The following SLC35F1 variants were observed in gnomAD, a reference collection of about 807,000 sequenced individuals.
SLC35F1 encodes the protein chromosome 6 open reading frame 169.
Under a neutral mutation model 48.7 loss-of-function variants are expected in SLC35F1, and 14 were observed. The observed-to-expected ratio is 0.29, with a 90% CI of 0.19 to 0.45. SLC35F1 has a LOEUF of 0.45. Ranked by LOEUF, SLC35F1 falls within the 20% of genes least tolerant of loss-of-function variation. The probability of loss-of-function intolerance (pLI) is 1.00; values close to 1 mark genes in which losing one functional copy is unlikely to be tolerated. For missense variants in SLC35F1, 404 were observed against 500.0 expected (o/e 0.81, Z 1.83); for synonymous variants, 190 against 202.2 (o/e 0.94, Z 0.51).
At chr6:118,132,280 A>G (rs1340102991) in intron 1 of SLC35F1, among the ~76,000 whole-genome samples, 2 of 152,196 alleles carry the variant, frequency 1.3e-5, no homozygotes, top group East Asian at 3.8e-4. Flanking sequence ...GTAAAATACA[A>G]GTTGTGATGT....
chr6:118,286,848 G>A (rs963201545), intron 7 of SLC35F1, among the ~76,000 whole-genome samples: 9 of 150,644 alleles, frequency 6.0e-5, no homozygotes, highest in South Asian at 2.1e-4. Context: ...TACTTCCTTC[G>A]CAAATTTCAA....
At chr6:118,100,691 AGCCTCAGT>A (rs1371873342) in intron 1 of SLC35F1, among the ~76,000 whole-genome samples, 3 of 152,138 alleles carry the variant, frequency 2.0e-5, no homozygotes, top group African/African-American at 7.2e-5. Context: ...AGCTCACGTG[AGCCTCAGT>A]GTCCAGAGTT....
intron 1 of SLC35F1, among the ~76,000 whole-genome samples, chr6:118,011,209 A>G (rs1397465542): frequency 6.6e-6 from 1 of 152,182 alleles, no homozygotes; most frequent in Non-Finnish European, 1.5e-5. Context: ...TTATTAGTCC[A>G]TTCTCACACT....
chr6:118,205,513 G>A (rs1197080813), intron 2 of SLC35F1, among the ~76,000 whole-genome samples: 1 of 152,194 alleles, frequency 6.6e-6, no homozygotes, highest in Non-Finnish European at 1.5e-5. Flanking sequence ...GTAAGTGTTA[G>A]CAGTGATGTG....
intron 1 of SLC35F1, among the ~76,000 whole-genome samples, chr6:118,060,370 C>T (rs567013676): frequency 2.0e-4 from 31 of 151,906 alleles, no homozygotes; most frequent in Middle Eastern, 3.4e-3. Context: ...TTATTCCTAG[C>T]GAATGTAAAT....
intron 1 of SLC35F1, among the ~76,000 whole-genome samples, chr6:118,048,663 G>A (rs951213241): frequency 1.3e-5 from 2 of 152,132 alleles, no homozygotes; most frequent in Non-Finnish European, 2.9e-5. Flanking sequence ...CAAGGGATGT[G>A]AAGGACCTCT....
intron 1 of SLC35F1, among the ~76,000 whole-genome samples, chr6:118,087,599 A>C (rs993432339): frequency 6.6e-6 from 1 of 152,068 alleles, no homozygotes; most frequent in Non-Finnish European, 1.5e-5. Context: ...GCTCAGCCCA[A>C]TGTTCCAAGA....
intron 2 of SLC35F1, among the ~76,000 whole-genome samples, chr6:118,176,205 A>G (rs1442150414): frequency 6.6e-6 from 1 of 152,016 alleles, no homozygotes; most frequent in Non-Finnish European, 1.5e-5. Context: ...TTAGAGGCAC[A>G]CCCCACGCAC....
intron 1 of SLC35F1, among the ~76,000 whole-genome samples, chr6:117,982,823 C>CA (rs779611603): frequency 1.1e-4 from 17 of 152,078 alleles, no homozygotes; most frequent in Non-Finnish European, 1.5e-4. Context: ...GGAACTGAAA[C>CA]AAAAAAACGT....
At chr6:118,104,409 A>G (rs1401732710) in intron 1 of SLC35F1, among the ~76,000 whole-genome samples, 1 of 152,238 alleles carries the variant, frequency 6.6e-6, no homozygotes, top group Admixed American at 6.5e-5. Context: ...AAATAATAAT[A>G]TTGAGCTTAT....
intron 1 of SLC35F1, among the ~76,000 whole-genome samples, chr6:117,960,957 C>G (rs1277453604): frequency 6.6e-6 from 1 of 152,150 alleles, no homozygotes; most frequent in Non-Finnish European, 1.5e-5. Flanking sequence ...ATATGATACC[C>G]TGCTCTGAAT....
chr6:118,168,670 T>G (rs552317313), intron 2 of SLC35F1, among the ~76,000 whole-genome samples: 2 of 152,276 alleles, frequency 1.3e-5, no homozygotes, highest in Non-Finnish European at 2.9e-5. Flanking sequence ...AGGTCAGTGG[T>G]CTACAGCAAC....
intron 7 of SLC35F1, among the ~76,000 whole-genome samples, chr6:118,300,049 A>T (rs1011718001): frequency 5.3e-5 from 8 of 152,338 alleles, no homozygotes; most frequent in African/African-American, 1.7e-4. Context: ...AGGCTAGTAG[A>T]ATTGTTAGTA....
rs556350262 is a variant in SLC35F1 at position 118,140,957 on chromosome 6, A to G, written c.174-13488A>G. Among the ~76,000 whole-genome samples, 41 of 152,346 alleles carry G rather than the reference A, an allele frequency of 2.7e-4. 1 individual carries two copies. Among genetic ancestry groups the G allele is most frequent in the African/African-American group, 9.9e-4 (41 of 41,576 alleles). On this transcript the variant is annotated intron_variant, in intron 1 of 7. Transcript: ENST00000360388. ...AGCTAAGTGTTATCACAAGAGTCAA[A>G]ACATTTTTAAAAATGAAAAAAGTTT...
chr6:117,999,305 C>T (rs956706850), intron 1 of SLC35F1: 188 of 1,595,860 alleles, frequency 1.2e-4, no homozygotes, highest in African/African-American at 1.6e-4. Context: ...TGCTCTTGCC[C>T]GTATTGCCAA....
intron 1 of SLC35F1, among the ~76,000 whole-genome samples, chr6:118,026,051 C>T (rs1032371743): frequency 1.5e-4 from 23 of 152,162 alleles, no homozygotes; most frequent in African/African-American, 5.5e-4. Flanking sequence ...TTCACACCGT[C>T]TCCAGCCTTT....
intron 7 of SLC35F1, among the ~76,000 whole-genome samples, chr6:118,299,703 A>G (rs283064): frequency 0.12 from 17,820 of 152,242 alleles, 1,416 homozygotes; most frequent in African/African-American, 0.22. Context: ...GGAAAAGGCT[A>G]AAGTGCTTCT....
intron 1 of SLC35F1, among the ~76,000 whole-genome samples, chr6:118,029,904 C>A (rs1772020764): frequency 6.6e-6 from 1 of 152,144 alleles, no homozygotes; most frequent in Admixed American, 6.5e-5. Context: ...CCTTTCCTTT[C>A]TTTTACTTAC....
chr6:118,218,407 T>A, intron 2 of SLC35F1, among the ~76,000 whole-genome samples: 1 of 152,078 alleles, frequency 6.6e-6, no homozygotes, highest in Non-Finnish European at 1.5e-5. Context: ...ATAGACTGTT[T>A]GGTGGAGGGA....
Sources: gnomAD v4.1 joint callset for allele counts (sites outside exome capture counted in the v4.1 genomes callset) on GRCh38, gnomAD v4.1.1 for gene constraint, MANE v1.5 for transcripts, NCBI Gene and HGNC (gene_info 2026-07-23, HGNC 2026-07-21) for gene names.